The following VPS13C variants were observed in gnomAD, a reference collection of about 807,000 sequenced individuals.
The protein encoded by VPS13C is vacuolar protein sorting 13 homolog C.
VPS13C carries 358 observed loss-of-function variants against 456.8 expected under a neutral mutation model. The ratio of observed to expected loss-of-function variants is 0.78; its 90% CI spans 0.72 to 0.86. The LOEUF (loss-of-function observed/expected upper bound fraction) is 0.86. VPS13C is among the 40% of genes least tolerant of loss of function. VPS13C has a pLI of 0.00. For synonymous variants in VPS13C, 1,578 were observed against 1,486.7 expected (o/e 1.06, Z -1.41); for missense variants, 4,818 against 4,385.4 (o/e 1.10, Z -2.79).
At chr15:62,017,572 G>T (rs1379866716) in intron 9 of VPS13C, among the ~76,000 whole-genome samples, 1 of 152,106 alleles carries the variant, frequency 6.6e-6, no homozygotes, top group African/African-American at 2.4e-5. Flanking sequence ...TTTTCGTCAG[G>T]TTTGTCAAAG....
In VPS13C at chr15:61,954,423, C is replaced by T; in HGVS notation, c.4297G>A (p.Glu1433Lys). ...INMLLNFEIK[E>K]VVVTLMKKSE... ...AAAAACAGATGAAAATTACACACCT[C>T]TTTAATTTCAAAATTCAGCAGCATA... The change falls in exon 38 of 85, where the codon GAG becomes AAG. Residue 1433 changes from glutamate (E) to lysine (K), a missense_variant and splice_region_variant. Glu to Lys is a moderately conservative substitution (Grantham distance 56). Coordinates refer to ENST00000644861, the MANE Select transcript of VPS13C (RefSeq NM_020821.3). The T allele has an allele frequency of 6.2e-7, 1 of 1,604,062 alleles. No homozygotes were observed. The highest frequency in any genetic ancestry group is 8.5e-7 in the Non-Finnish European group (1 of 1,176,994).
intron 73 of VPS13C, among the ~76,000 whole-genome samples, chr15:61,879,842 T>C (rs1895721200): frequency 6.6e-6 from 1 of 152,116 alleles, no homozygotes; most frequent in Admixed American, 6.6e-5. Context: ...ATGTCTGATA[T>C]CACCAAACTA....
chr15:61,955,710 A>T (rs1485398516), intron 37 of VPS13C, among the ~76,000 whole-genome samples: 2 of 152,190 alleles, frequency 1.3e-5, no homozygotes, highest in Non-Finnish European at 2.9e-5. Context: ...CTGATCATTT[A>T]AAAAACCAGT....
At chr15:61,907,784 C>A (rs943721557) in intron 65 of VPS13C, among the ~76,000 whole-genome samples, 1 of 152,120 alleles carries the variant, frequency 6.6e-6, no homozygotes, top group Non-Finnish European at 1.5e-5. Context: ...CTCCCTGTTT[C>A]CCAGGCTGGA....
chr15:62,015,960 CAAAAAAAAAAAA>C (rs67786303), intron 9 of VPS13C, among the ~76,000 whole-genome samples: 24 of 72,422 alleles, frequency 3.3e-4, no homozygotes, highest in Admixed American at 2.5e-3. Context: ...AAAAGAAGTC[CAAAAAAAAAAAA>C]AAAAAAAAAA....
At chr15:61,879,936 G>A (rs528755128) in intron 73 of VPS13C, among the ~76,000 whole-genome samples, 1 of 152,170 alleles carries the variant, frequency 6.6e-6, no homozygotes, top group Admixed American at 6.6e-5. Context: ...AAAGTAATGT[G>A]CTGTAAACAG....
chr15:62,044,662 A>G (rs984486370), intron 1 of VPS13C, among the ~76,000 whole-genome samples: 3 of 152,164 alleles, frequency 2.0e-5, no homozygotes, highest in Admixed American at 6.5e-5. Context: ...GTTATCAATT[A>G]ACATTTTCTT....
At position 61,942,073 on chromosome 15, in the gene VPS13C, G is replaced by A. The variant is rs771961604; in HGVS notation, c.5149-6C>T. The A allele has an allele frequency of 2.4e-5, 37 of 1,544,002 alleles. No individual in the cohort carries two copies. The highest frequency in any genetic ancestry group is 3.2e-5 in the Non-Finnish European group (36 of 1,141,548). On this transcript the variant is annotated splice_polypyrimidine_tract_variant and splice_region_variant and intron_variant, in intron 45 of 84. Transcript: ENST00000644861. ...TGGAAATTGTTGAGGAAGTTCTGTTGGAAGAGACAGATATTTAGGGGAAAA... is the reference window on the plus strand; with the variant it reads ...TGGAAATTGTTGAGGAAGTTCTGTTAGAAGAGACAGATATTTAGGGGAAAA...
intron 24 of VPS13C, among the ~76,000 whole-genome samples, chr15:61,975,010 A>C (rs527609702): frequency 3.7e-4 from 56 of 152,110 alleles, no homozygotes; most frequent in Non-Finnish European, 7.5e-4. Flanking sequence ...GCCTTGTGGC[A>C]GCTAGTCATA....
At chr15:62,014,990 C>A (rs1048621618) in intron 9 of VPS13C, among the ~76,000 whole-genome samples, 1 of 152,082 alleles carries the variant, frequency 6.6e-6, no homozygotes, top group African/African-American at 2.4e-5. Context: ...AGCAAAGATA[C>A]AAAGGGACAA....
chr15:62,011,180 G>A (rs1024374000), intron 12 of VPS13C, among the ~76,000 whole-genome samples: 1 of 152,058 alleles, frequency 6.6e-6, no homozygotes, highest in African/African-American at 2.4e-5. Context: ...ATAGGGGAAT[G>A]CAAGGTGATA....
chr15:62,047,375 T>C (rs569997089), intron 1 of VPS13C, among the ~76,000 whole-genome samples: 87 of 151,710 alleles, frequency 5.7e-4, no homozygotes, highest in Non-Finnish European at 1.1e-3. Context: ...GAGGCAGAGG[T>C]TGCGGTGAGC....
At chr15:62,027,413 A>G (rs2047675437) in intron 6 of VPS13C, among the ~76,000 whole-genome samples, 1 of 152,114 alleles carries the variant, frequency 6.6e-6, no homozygotes, top group Admixed American at 6.5e-5. Context: ...AAACAAAGTA[A>G]CTATAAGACA....
intron 39 of VPS13C, 79 bp from the exon 40 acceptor site, chr15:61,951,103 C>G (rs2044775653): frequency 1.2e-6 from 1 of 859,438 alleles, no homozygotes; most frequent in Non-Finnish European, 1.8e-6. Context: ...CAAATGTACA[C>G]AAATATACAT....
chr15:61,920,256 C>T lies in VPS13C; in HGVS notation c.7288G>A (p.Val2430Ile), dbSNP rs1567004130. 1 of 1,613,474 alleles carries T rather than the reference C, an allele frequency of 6.2e-7. No homozygotes were observed. The highest frequency in any genetic ancestry group is 1.3e-5 in the African/African-American group (1 of 75,014). ...DRAPFTVKNA[V>I]GVPIKVKPNC... Reference sequence around the variant, plus strand: ...GGCTTCACCTTAATGGGAACACCTACAGCATTTTTTACCGTAAAAGGAGCT... The same window carrying T: ...GGCTTCACCTTAATGGGAACACCTATAGCATTTTTTACCGTAAAAGGAGCT... Residue 2430 changes from valine (V) to isoleucine (I), a missense_variant, in exon 57 of 85, where the codon GTA (valine) becomes ATA (isoleucine). This residue lies in a region of VPS13C where 4,552 missense variants were observed against 4,130.6 expected (regional missense o/e 1.10). Transcript: ENST00000644861.
chr15:61,920,444 T>C lies in VPS13C; in HGVS notation c.7212+54A>G. 7.4e-6 allele frequency: 11 copies of C among 1,488,644 alleles called. No individual in the cohort carries two copies. Among genetic ancestry groups the C allele is most frequent in the Non-Finnish European group, 9.8e-6 (11 of 1,117,364 alleles). 92.2% of individuals were successfully genotyped at this position (1,488,644 alleles called of 1,614,324 possible). ...ACTAATTTTGATGACAAAAAAATTA[T>C]ATGTTTCATTTTAAAATTCCACTTG... is the stretch of plus-strand genomic sequence containing the variant. On this transcript the variant is annotated intron_variant, in intron 56 of 84. Transcript: ENST00000644861.
intron 49 of VPS13C, 148 bp from the exon 50 acceptor site, chr15:61,931,407 G>A (rs1217868211): frequency 1.4e-6 from 1 of 737,664 alleles, no homozygotes; most frequent in African/African-American, 1.8e-5. Context: ...ATGGAACAGA[G>A]AATAATATGC....
chr15:62,023,546 C>T (rs2047535658), intron 7 of VPS13C, 26 bp from the exon 8 acceptor site: 2 of 1,504,386 alleles, frequency 1.3e-6, no homozygotes, highest in Non-Finnish European at 1.8e-6. Flanking sequence ...AAAATACAAG[C>T]TCAAGAGTTG....
Position 61,865,586 on chromosome 15 carries a change from ATG to A in VPS13C, c.10864-2060_10864-2059del, listed in dbSNP as rs201892206. The A allele has an allele frequency of 1.7e-3, 1,141 of 674,812 alleles. 13 individuals are homozygous for A. In the African/African-American group the frequency reaches 0.021, roughly 12 times the overall value. 41.8% of individuals were successfully genotyped at this position (674,812 alleles called of 1,614,324 possible). A position where few individuals can be genotyped will look rare whatever the true frequency, so the allele number is the denominator to read the frequency against. ...TATGTTTGCGTATATATGTGTGTATATGTGTGTGTATATATGTATGTGTATAT... is the reference window on the plus strand; with the variant it reads ...TATGTTTGCGTATATATGTGTGTATATGTGTGTATATATGTATGTGTATAT... On this transcript the variant is annotated intron_variant, in intron 81 of 84. Coordinates refer to ENST00000644861, the MANE Select transcript of VPS13C (RefSeq NM_020821.3).
Sources: allele counts gnomAD v4.1 joint callset (sites outside exome capture counted in the v4.1 genomes callset), GRCh38; gene constraint gnomAD v4.1.1; regional missense constraint gnomAD v4.1.1; transcripts MANE v1.5; gene names NCBI Gene and HGNC (gene_info 2026-07-23, HGNC 2026-07-21).